RPS6KC1: variants seen among roughly 807,000 people sequenced by gnomAD.
RPS6KC1 encodes the protein inactive ribosomal protein S6 kinase delta-1.
Under a neutral mutation model 103.8 loss-of-function variants are expected in RPS6KC1, and 54 were observed. The observed-to-expected ratio is 0.52, with a 90% CI of 0.42 to 0.65. The LOEUF (loss-of-function observed/expected upper bound fraction) is 0.65. Ranked by LOEUF, RPS6KC1 falls within the 30% of genes least tolerant of loss-of-function variation. The pLI is 0.00. For synonymous variants in RPS6KC1, 439 were observed against 438.7 expected, an observed-to-expected ratio of 1.00 and a Z score of -0.01; for missense variants, 1,151 against 1,253.8, an observed-to-expected ratio of 0.92 and a Z score of 1.24.
At chr1:213,391,538 A>G in the RPS6KC1 span, among the ~76,000 whole-genome samples, 1 of 152,208 alleles carries the variant, frequency 6.6e-6, no homozygotes. Flanking sequence ...GTGGGTGTAC[A>G]GTTCAGACCT....
the RPS6KC1 span, among the ~76,000 whole-genome samples, chr1:213,803,546 C>G: frequency 2.0e-5 from 3 of 152,136 alleles, no homozygotes; most frequent in African/African-American, 7.2e-5. Flanking sequence ...CACACCCAGC[C>G]AACAATGTAG....
the RPS6KC1 span, among the ~76,000 whole-genome samples, chr1:213,427,052 G>A: frequency 2.6e-5 from 4 of 152,194 alleles, no homozygotes; most frequent in Admixed American, 2.6e-4. Context: ...GCTCCATCAT[G>A]TTGGCCAGAG....
the RPS6KC1 span, among the ~76,000 whole-genome samples, chr1:213,285,754 A>G: frequency 6.6e-6 from 1 of 152,190 alleles, no homozygotes; most frequent in African/African-American, 2.4e-5. Flanking sequence ...TACCCAAAGC[A>G]GTAGTATTAA....
At chr1:213,094,827 A>G (rs2081307976) in intron 3 of RPS6KC1, among the ~76,000 whole-genome samples, 1 of 152,270 alleles carries the variant, frequency 6.6e-6, no homozygotes, top group African/African-American at 2.4e-5. Flanking sequence ...TCATGTCTGA[A>G]CACAGACAAA....
At chr1:213,786,047 C>T in the RPS6KC1 span, among the ~76,000 whole-genome samples, 41 of 152,072 alleles carry the variant, frequency 2.7e-4, 1 homozygote, top group East Asian at 7.7e-3. Flanking sequence ...CTACTCTTCT[C>T]CTTAGTCTGA....
the RPS6KC1 span, among the ~76,000 whole-genome samples, chr1:213,315,470 T>G: frequency 1.3e-5 from 2 of 152,256 alleles, no homozygotes; most frequent in Admixed American, 1.3e-4. Flanking sequence ...ACTGATGTAT[T>G]TATCACACAT....
At chr1:213,698,015 A>G in the RPS6KC1 span, among the ~76,000 whole-genome samples, 2 of 152,208 alleles carry the variant, frequency 1.3e-5, no homozygotes, top group Non-Finnish European at 2.9e-5. Flanking sequence ...ACATTGCCAG[A>G]CTAACAACAT....
At chr1:213,373,756 G>A in the RPS6KC1 span, among the ~76,000 whole-genome samples, 1 of 152,176 alleles carries the variant, frequency 6.6e-6, no homozygotes. Flanking sequence ...TAAAAAAGTA[G>A]CCTATTGCAC....
At chr1:213,782,933 C>G in the RPS6KC1 span, among the ~76,000 whole-genome samples, 31 of 152,224 alleles carry the variant, frequency 2.0e-4, no homozygotes, top group Middle Eastern at 3.4e-3. Context: ...TCCAAGTTGC[C>G]CCCAGAGTTC....
the RPS6KC1 span, among the ~76,000 whole-genome samples, chr1:213,405,732 T>C: frequency 6.6e-6 from 1 of 152,156 alleles, no homozygotes; most frequent in African/African-American, 2.4e-5. Flanking sequence ...TCGGGAGACT[T>C]GTGGGGTCTT....
At chr1:213,081,938 T>C (rs999735278) in intron 3 of RPS6KC1, among the ~76,000 whole-genome samples, 3 of 152,220 alleles carry the variant, frequency 2.0e-5, no homozygotes, top group Non-Finnish European at 4.4e-5. Flanking sequence ...AAGCCACTTT[T>C]GAATTCCTGA....
At chr1:213,504,985 A>C in the RPS6KC1 span, among the ~76,000 whole-genome samples, 4 of 152,168 alleles carry the variant, frequency 2.6e-5, no homozygotes, top group Admixed American at 2.6e-4. Flanking sequence ...GGCCAAAGCC[A>C]CTAAGTTCCC....
chr1:213,097,676 G>A (rs954534389), intron 3 of RPS6KC1, among the ~76,000 whole-genome samples: 1 of 152,202 alleles, frequency 6.6e-6, no homozygotes, highest in Non-Finnish European at 1.5e-5. Context: ...CCAAAAGAAG[G>A]CTGTTTTATC....
At chr1:213,773,182 T>C in the RPS6KC1 span, among the ~76,000 whole-genome samples, 1 of 151,986 alleles carries the variant, frequency 6.6e-6, no homozygotes, top group Non-Finnish European at 1.5e-5. Context: ...AGACCCCTGA[T>C]TTGATTCGGC....
At chr1:213,636,344 C>A in the RPS6KC1 span, among the ~76,000 whole-genome samples, 1 of 151,850 alleles carries the variant, frequency 6.6e-6, no homozygotes, top group African/African-American at 2.4e-5. Context: ...AAGCTGGAGG[C>A]ATCATGCTGA....
intron 8 of RPS6KC1, among the ~76,000 whole-genome samples, chr1:213,178,337 C>T (rs1453983300): frequency 2.6e-5 from 4 of 151,460 alleles, no homozygotes; most frequent in African/African-American, 4.9e-5. Context: ...ACCAGGAGTT[C>T]GAGACCAGCC....
the RPS6KC1 span, among the ~76,000 whole-genome samples, chr1:213,762,761 A>G: frequency 6.6e-6 from 1 of 152,180 alleles, no homozygotes; most frequent in African/African-American, 2.4e-5. Context: ...CCTTTTTTGA[A>G]CAAATACACA....
intron 14 of RPS6KC1, among the ~76,000 whole-genome samples, chr1:213,265,301 G>C (rs1290545684): frequency 2.6e-5 from 4 of 152,186 alleles, no homozygotes; most frequent in Non-Finnish European, 4.4e-5. Flanking sequence ...TATACTTGCA[G>C]ATATATAGAG....
chr1:213,213,635 G>C (rs1234833836), intron 8 of RPS6KC1, among the ~76,000 whole-genome samples: 1 of 152,154 alleles, frequency 6.6e-6, no homozygotes, highest in African/African-American at 2.4e-5. Flanking sequence ...ATATTAGTCT[G>C]TCAAAGAAAA....
Sources: gnomAD v4.1 joint callset for allele counts (sites outside exome capture counted in the v4.1 genomes callset) on GRCh38, gnomAD v4.1.1 for gene constraint, MANE v1.5 for transcripts, NCBI Gene and HGNC (gene_info 2026-07-23, HGNC 2026-07-21) for gene names.